The following PRR16 variants were observed in gnomAD, a reference collection of about 807,000 sequenced individuals.
PRR16 encodes protein Largen.
PRR16 carries 6 observed loss-of-function variants against 18.2 expected under a neutral mutation model. The ratio of observed to expected loss-of-function variants is 0.33; its 90% confidence interval spans 0.18 to 0.65. PRR16 has a LOEUF of 0.65. PRR16 is among the 30% of genes least tolerant of loss of function. The pLI is 0.74. For synonymous variants in PRR16, 151 were observed against 147.8 expected (o/e 1.02, Z -0.16); for missense variants, 412 against 376.6 (o/e 1.09, Z -0.78).
chr5:120,607,516 G>C (rs901428001), intron 1 of PRR16, among the ~76,000 whole-genome samples: 2 of 152,126 alleles, frequency 1.3e-5, no homozygotes, highest in African/African-American at 4.8e-5. Context: ...TTGGCTCCCA[G>C]AGTTGTGCTG....
the PRR16 span, among the ~76,000 whole-genome samples, chr5:120,778,139 G>A: frequency 6.6e-6 from 1 of 152,008 alleles, no homozygotes; most frequent in Non-Finnish European, 1.5e-5. Flanking sequence ...AATAAAGACT[G>A]CTGATCATTC....
At chr5:120,521,468 T>G (rs1751177953) in intron 1 of PRR16, among the ~76,000 whole-genome samples, 1 of 152,136 alleles carries the variant, frequency 6.6e-6, no homozygotes, top group Non-Finnish European at 1.5e-5. Context: ...CAAATTACAG[T>G]CTGCTGATCT....
chr5:120,561,618 G>A (rs1268798542), intron 1 of PRR16, among the ~76,000 whole-genome samples: 1 of 152,064 alleles, frequency 6.6e-6, no homozygotes, highest in Non-Finnish European at 1.5e-5. Context: ...TTATGTAAAT[G>A]TCTATGATAT....
chr5:120,675,259 C>A (rs983646536), intron 1 of PRR16, among the ~76,000 whole-genome samples: 1 of 152,166 alleles, frequency 6.6e-6, no homozygotes, highest in Non-Finnish European at 1.5e-5. Flanking sequence ...TTATTCGGAG[C>A]TGCTGTTAAC....
At chr5:120,562,885 A>T (rs1238509773) in intron 1 of PRR16, among the ~76,000 whole-genome samples, 3 of 152,044 alleles carry the variant, frequency 2.0e-5, no homozygotes, top group Non-Finnish European at 4.4e-5. Context: ...CTGGTTCATT[A>T]GTCTTTCTAT....
At chr5:120,660,108 A>T (rs1176862388) in intron 1 of PRR16, among the ~76,000 whole-genome samples, 1 of 151,986 alleles carries the variant, frequency 6.6e-6, no homozygotes, top group African/African-American at 2.4e-5. Flanking sequence ...TAAGTTTATG[A>T]AACTAGAATA....
intron 1 of PRR16, among the ~76,000 whole-genome samples, chr5:120,636,720 C>T (rs1017420155): frequency 5.9e-5 from 9 of 151,896 alleles, no homozygotes; most frequent in African/African-American, 7.2e-5. Context: ...TCATTGACTT[C>T]GGCAAACACT....
At chr5:120,588,848 T>A (rs992099040) in intron 1 of PRR16, among the ~76,000 whole-genome samples, 6 of 152,060 alleles carry the variant, frequency 3.9e-5, no homozygotes, top group African/African-American at 1.4e-4. Flanking sequence ...TAATTTCATT[T>A]TTTAAAATAA....
the PRR16 span, among the ~76,000 whole-genome samples, chr5:120,731,169 GAT>G: frequency 6.6e-6 from 1 of 152,114 alleles, no homozygotes; most frequent in Non-Finnish European, 1.5e-5. Context: ...GCATGAATCT[GAT>G]AGAATATTTC....
chr5:120,546,894 C>T (rs912555772), intron 1 of PRR16, among the ~76,000 whole-genome samples: 1 of 151,910 alleles, frequency 6.6e-6, no homozygotes. Flanking sequence ...ACCCATAGGC[C>T]GTGTCTCCAG....
At chr5:120,622,964 TATAAAC>T (rs1754739795) in intron 1 of PRR16, among the ~76,000 whole-genome samples, 1 of 152,186 alleles carries the variant, frequency 6.6e-6, no homozygotes, top group Admixed American at 6.6e-5. Flanking sequence ...ATTTTCTACT[TATAAAC>T]ACAACACATT....
rs143681701 is a variant in PRR16 at position 120,636,562 on chromosome 5, G to T, written c.160-49392G>T. 2.5e-3 allele frequency among the ~76,000 whole-genome samples: 381 copies of T among 152,240 alleles called. 12 individuals carry two copies. The East Asian group carries it at 0.062, about 25-fold the overall frequency. On this transcript the variant is annotated intron_variant, in intron 1 of 1. Transcript: ENST00000407149. ...ACACAATATTCAACAAATGGTGTTGGGGTAACTGGCTAGCCACATGTAGAA... is the reference window on the plus strand; with the variant it reads ...ACACAATATTCAACAAATGGTGTTGTGGTAACTGGCTAGCCACATGTAGAA...
At chr5:120,600,882 C>T (rs932311816) in intron 1 of PRR16, among the ~76,000 whole-genome samples, 3 of 151,840 alleles carry the variant, frequency 2.0e-5, no homozygotes, top group African/African-American at 4.8e-5. Flanking sequence ...AGCTTGCATC[C>T]GTGTTGCATC....
chr5:120,499,610 C>T (rs753844999), intron 1 of PRR16, among the ~76,000 whole-genome samples: 1 of 152,114 alleles, frequency 6.6e-6, no homozygotes, highest in Non-Finnish European at 1.5e-5. Context: ...TGACTCCTCT[C>T]TATATCTTAT....
chr5:120,786,613 TATATA>T, the PRR16 span, among the ~76,000 whole-genome samples: 1 of 149,908 alleles, frequency 6.7e-6, no homozygotes, highest in Admixed American at 6.7e-5. Flanking sequence ...GTAATTAAAA[TATATA>T]AATATAGATT....
At chr5:120,567,773 G>T (rs1229689967) in intron 1 of PRR16, among the ~76,000 whole-genome samples, 2 of 152,090 alleles carry the variant, frequency 1.3e-5, no homozygotes, top group African/African-American at 2.4e-5. Flanking sequence ...GTTTCTTCAG[G>T]CCTCCCCAGC....
chr5:120,773,142 A>C, the PRR16 span, among the ~76,000 whole-genome samples: 1 of 152,150 alleles, frequency 6.6e-6, no homozygotes, highest in Non-Finnish European at 1.5e-5. Context: ...TCTTACTAGT[A>C]TCCGTTAAGA....
intron 1 of PRR16, among the ~76,000 whole-genome samples, chr5:120,583,202 C>T (rs541009094): frequency 1.3e-5 from 2 of 152,194 alleles, no homozygotes; most frequent in African/African-American, 2.4e-5. Context: ...TCCACTGTAT[C>T]GTATTGGTAG....
intron 1 of PRR16, chr5:120,465,614 G>A (rs1749053230): frequency 6.5e-6 from 1 of 153,074 alleles, no homozygotes; most frequent in Non-Finnish European, 1.5e-5. Context: ...GAGGGGTGGG[G>A]TCTCCCGAGC....
Sources: allele counts gnomAD v4.1 joint callset (sites outside exome capture counted in the v4.1 genomes callset), GRCh38; gene constraint gnomAD v4.1.1; transcripts MANE v1.5; gene names NCBI Gene and HGNC (gene_info 2026-07-23, HGNC 2026-07-21).